TLL1: variants seen among roughly 807,000 people sequenced by gnomAD.
TLL1 encodes the protein tolloid like 1.
TLL1 carries 49 observed loss-of-function variants against 128.2 expected under a neutral mutation model. The observed-to-expected ratio is 0.38, with a 90% confidence interval of 0.30 to 0.48. TLL1 has a LOEUF of 0.48. Among genes scored for constraint, TLL1 ranks in the 20% least tolerant of loss-of-function variants. The pLI is 0.96. For synonymous variants in TLL1, 454 were observed against 418.8 expected, an observed-to-expected ratio of 1.08 and a Z score of -1.03; for missense variants, 1,123 against 1,242.0, an observed-to-expected ratio of 0.90 and a Z score of 1.44.
chr4:165,971,470 G>A (rs1396669780), intron 1 of TLL1, among the ~76,000 whole-genome samples: 1 of 152,208 alleles, frequency 6.6e-6, no homozygotes, highest in Non-Finnish European at 1.5e-5. Context: ...ATTCTGCCAA[G>A]ACGGTGACTC....
rs564982598 is a variant in TLL1, at chr4:166,098,423, A to G, written c.2657-854A>G. Among the ~76,000 whole-genome samples the G allele has an allele frequency of 1.3e-4, 19 of 151,564 alleles. No homozygotes were observed. In the South Asian group the frequency reaches 4.0e-3, roughly 32 times the overall value. On this transcript the variant is annotated intron_variant, in intron 19 of 20. Coordinates refer to ENST00000061240, the MANE Select transcript of TLL1 (RefSeq NM_012464.5). ...TGAAACCTTTTATTCTCTAAATTATACTAACTAAAAGGTTTTATGGACACT... is the reference window on the plus strand; with the variant it reads ...TGAAACCTTTTATTCTCTAAATTATGCTAACTAAAAGGTTTTATGGACACT...
chr4:165,945,930 T>C (rs957213721), intron 1 of TLL1, among the ~76,000 whole-genome samples: 3 of 152,134 alleles, frequency 2.0e-5, no homozygotes, highest in South Asian at 4.1e-4. Context: ...ATTTTTCAGG[T>C]GAGCCCACTG....
chr4:165,879,470 G>A (rs970215738), intron 1 of TLL1, among the ~76,000 whole-genome samples: 11 of 151,966 alleles, frequency 7.2e-5, no homozygotes, highest in Non-Finnish European at 1.2e-4. Context: ...CAATTATTGA[G>A]GCCTTGATAT....
At chr4:166,043,531 C>A in intron 12 of TLL1, 112 bp downstream of exon 12, 1 of 1,468,874 alleles carries the variant, frequency 6.8e-7, no homozygotes, top group Non-Finnish European at 9.5e-7. Flanking sequence ...TTTTAATCAG[C>A]AAAGAAGCAA....
Position 165,898,274 on chromosome 4 carries a change from G to A in TLL1, c.169+24201G>A, listed in dbSNP as rs1187776221. On this transcript the variant is annotated intron_variant, in intron 1 of 20. Coordinates refer to ENST00000061240, the MANE Select transcript of TLL1 (RefSeq NM_012464.5). ...AGAATTTCCAATACTATGTTGAATAGGAGTGGTGAGAGAGGGCATCCTTGT... is the reference window on the plus strand; with the variant it reads ...AGAATTTCCAATACTATGTTGAATAAGAGTGGTGAGAGAGGGCATCCTTGT... Among the ~76,000 whole-genome samples the A allele has an allele frequency of 2.0e-5, 3 of 152,342 alleles. No homozygotes were observed. The East Asian group carries it at 5.8e-4, about 29-fold the overall frequency.
chr4:165,947,705 T>C lies in TLL1; in HGVS notation c.170-41676T>C, dbSNP rs190668521. On this transcript the variant is annotated intron_variant, in intron 1 of 20. Transcript: ENST00000061240. Reference sequence around the variant, plus strand: ...GGGTGTGACTTACAGAACCCCCTCATTCAAACCAGGGTGCTTCTAGAAATC... The same window carrying C: ...GGGTGTGACTTACAGAACCCCCTCACTCAAACCAGGGTGCTTCTAGAAATC... Among the ~76,000 whole-genome samples, 3 of 152,208 alleles carry C rather than the reference T, an allele frequency of 2.0e-5. No homozygotes were observed. In the East Asian group the frequency reaches 5.8e-4, roughly 30 times the overall value.
chr4:165,941,256 C>T (rs1254218905), intron 1 of TLL1, among the ~76,000 whole-genome samples: 1 of 152,066 alleles, frequency 6.6e-6, no homozygotes, highest in Non-Finnish European at 1.5e-5. Flanking sequence ...ATGATTTCTA[C>T]TCCTTATTTA....
chr4:166,005,321 T>TA (rs1737368234), intron 6 of TLL1, among the ~76,000 whole-genome samples: 1 of 151,906 alleles, frequency 6.6e-6, no homozygotes, highest in Non-Finnish European at 1.5e-5. Flanking sequence ...TATCTAAAGA[T>TA]AAAAAATTGA....
intron 1 of TLL1, among the ~76,000 whole-genome samples, chr4:165,931,723 GA>G (rs531185650): frequency 1.2e-4 from 10 of 84,742 alleles, no homozygotes; most frequent in East Asian, 6.9e-4. Flanking sequence ...TGTCTCAAAA[GA>G]AAAAAAAAAG....
intron 1 of TLL1, among the ~76,000 whole-genome samples, chr4:165,893,400 C>A (rs774101830): frequency 6.6e-6 from 1 of 152,192 alleles, no homozygotes; most frequent in Non-Finnish European, 1.5e-5. Context: ...ACTGTCTATA[C>A]AACAGCGTTG....
intron 6 of TLL1, among the ~76,000 whole-genome samples, chr4:166,004,459 A>G (rs957301464): frequency 6.6e-6 from 1 of 152,140 alleles, no homozygotes; most frequent in African/African-American, 2.4e-5. Context: ...TGGAAAATAC[A>G]AAGTTTAGTG....
At chr4:165,984,978 G>A (rs889282835) in intron 1 of TLL1, among the ~76,000 whole-genome samples, 2 of 151,892 alleles carry the variant, frequency 1.3e-5, no homozygotes, top group Admixed American at 6.6e-5. Flanking sequence ...CTCTTATATG[G>A]ACTCTTTTGT....
intron 13 of TLL1, 49 bp downstream of exon 13, chr4:166,055,320 T>G: frequency 6.5e-7 from 1 of 1,530,318 alleles, no homozygotes; most frequent in African/African-American, 1.4e-5. Context: ...TCAAGGATAC[T>G]TGTAGTGTTT....
At chr4:165,963,956 G>T (rs543842536) in intron 1 of TLL1, among the ~76,000 whole-genome samples, 9 of 152,290 alleles carry the variant, frequency 5.9e-5, no homozygotes, top group African/African-American at 2.2e-4. Flanking sequence ...ATCTTTATGA[G>T]AGGTGTGTTT....
chr4:166,078,043 A>G lies in TLL1; in HGVS notation c.2442+13A>G, dbSNP rs1420877916. The G allele has an allele frequency of 4.3e-6, 7 of 1,613,170 alleles. No homozygotes were observed. In the East Asian group the frequency reaches 1.3e-4, roughly 31 times the overall value. On this transcript the variant is annotated intron_variant, in intron 18 of 20. Coordinates refer to ENST00000061240, the MANE Select transcript of TLL1 (RefSeq NM_012464.5). ...CCGAATCAAATTAGTAAGTGAGCACATCCTTTTTCTTTCCATTAAGCTGAC... is the reference window on the plus strand; with the variant it reads ...CCGAATCAAATTAGTAAGTGAGCACGTCCTTTTTCTTTCCATTAAGCTGAC...
intron 1 of TLL1, among the ~76,000 whole-genome samples, chr4:165,889,432 T>C (rs1731297730): frequency 6.6e-6 from 1 of 152,238 alleles, no homozygotes; most frequent in South Asian, 2.1e-4. Context: ...AAACATTTCA[T>C]TGTAAGGGTA....
At chr4:165,914,549 A>G (rs946270610) in intron 1 of TLL1, among the ~76,000 whole-genome samples, 2 of 152,224 alleles carry the variant, frequency 1.3e-5, no homozygotes, top group African/African-American at 4.8e-5. Context: ...TTAGGCTGCC[A>G]CAATTTCATA....
intron 17 of TLL1, 30 bp downstream of exon 17, chr4:166,075,033 A>G (rs889953365): frequency 1.7e-5 from 27 of 1,611,220 alleles, no homozygotes; most frequent in Non-Finnish European, 2.2e-5. Context: ...TTTTTTGACA[A>G]CATGTAGAAT....
At chr4:166,077,196 A>G (rs1174762896) in intron 17 of TLL1, among the ~76,000 whole-genome samples, 1 of 151,198 alleles carries the variant, frequency 6.6e-6, no homozygotes, top group Non-Finnish European at 1.5e-5. Context: ...ACCATGTGGA[A>G]TGATCTTGTC....
Sources: gnomAD v4.1 joint callset for allele counts (sites outside exome capture counted in the v4.1 genomes callset) on GRCh38, gnomAD v4.1.1 for gene constraint, MANE v1.5 for transcripts, NCBI Gene and HGNC (gene_info 2026-07-23, HGNC 2026-07-21) for gene names.